The following JAM3 variants were observed in gnomAD, a reference collection of about 807,000 sequenced individuals.
JAM3 encodes junctional adhesion molecule C.
Under a neutral mutation model 39.4 loss-of-function variants are expected in JAM3, and 31 were observed. The ratio of observed to expected loss-of-function variants is 0.79; its 90% CI spans 0.59 to 1.06. The LOEUF (loss-of-function observed/expected upper bound fraction) is 1.06. Among genes scored for constraint, JAM3 ranks in the 50% least tolerant of loss-of-function variants. The probability of loss-of-function intolerance (pLI) is 0.00; values close to 1 mark genes in which losing one functional copy is unlikely to be tolerated. For synonymous variants in JAM3, 182 were observed against 148.7 expected (o/e 1.22, Z -1.63); for missense variants, 455 against 391.4 (o/e 1.16, Z -1.37).
At chr11:134,076,833 CT>C (rs71038556) in intron 1 of JAM3, among the ~76,000 whole-genome samples, 22,652 of 118,210 alleles carry the variant, frequency 0.19, 2,327 homozygotes, top group African/African-American at 0.28. Context: ...ACATCTATTG[CT>C]TTTTTTTTTT....
chr11:134,130,742 C>T (rs559556609), intron 1 of JAM3, among the ~76,000 whole-genome samples: 62 of 152,292 alleles, frequency 4.1e-4, no homozygotes, highest in African/African-American at 1.3e-3. Flanking sequence ...ACAGCTATTC[C>T]GCAGCTTTCC....
intron 6 of JAM3, chr11:134,148,288 A>T: frequency 1.9e-6 from 1 of 527,188 alleles, no homozygotes; most frequent in Non-Finnish European, 3.4e-6. Context: ...TGCCAAGCCC[A>T]CTTTAATACA....
rs1387976409 is a variant in JAM3 at position 134,120,194 on chromosome 11, CAT to C, written c.77-19656_77-19655del. On this transcript the variant is annotated intron_variant, in intron 1 of 8. Coordinates refer to ENST00000299106, the MANE Select transcript of JAM3 (RefSeq NM_032801.5). ...GCAGCGGTCTGCTGTGAAGGGTAAA[CAT>C]GTAGCCTTTCTCCACTAGAAAGCCT... Among the ~76,000 whole-genome samples the C allele has an allele frequency of 2.0e-5, 3 of 152,228 alleles. No individual in the cohort carries two copies. The East Asian group carries it at 5.8e-4, about 29-fold the overall frequency.
intron 1 of JAM3, among the ~76,000 whole-genome samples, chr11:134,135,657 C>T (rs1186263060): frequency 6.6e-6 from 1 of 151,756 alleles, no homozygotes; most frequent in Admixed American, 6.6e-5. Context: ...CCTGTGTCAG[C>T]CTACTGAGTA....
intron 1 of JAM3, among the ~76,000 whole-genome samples, chr11:134,113,709 G>T (rs1282003473): frequency 6.6e-6 from 1 of 152,218 alleles, no homozygotes; most frequent in Non-Finnish European, 1.5e-5. Flanking sequence ...TATATACCCA[G>T]TAATGGGATG....
rs1436067126 is a variant in JAM3 at position 134,148,080 on chromosome 11, TTTAC to T, written c.713-464_713-461del. On this transcript the variant is annotated intron_variant, in intron 6 of 8. Coordinates refer to ENST00000299106, the MANE Select transcript of JAM3 (RefSeq NM_032801.5). ...AAGCTCTAGTTCTTACCTAGGATTC[TTTAC>T]TTGTTTGTTTTTTGAGACAGATTCT... 2.0e-4 allele frequency: 44 copies of T among 224,248 alleles called. No homozygotes were observed. In the East Asian group the frequency reaches 3.1e-3, roughly 16 times the overall value. 13.9% of individuals were successfully genotyped at this position (224,248 alleles called of 1,614,324 possible).
intron 1 of JAM3, among the ~76,000 whole-genome samples, chr11:134,085,867 G>T (rs915302740): frequency 2.0e-5 from 3 of 152,148 alleles, no homozygotes; most frequent in Admixed American, 6.5e-5. Flanking sequence ...AGTGGGGCAG[G>T]TACTTCACTA....
At chr11:134,076,281 A>AG (rs1941568973) in intron 1 of JAM3, among the ~76,000 whole-genome samples, 1 of 149,518 alleles carries the variant, frequency 6.7e-6, no homozygotes, top group African/African-American at 2.5e-5. Context: ...CAGCCTCTGG[A>AG]GTAGCTGGGA....
At chr11:134,139,544 G>T (rs887750030) in intron 1 of JAM3, 4 of 377,764 alleles carry the variant, frequency 1.1e-5, no homozygotes, top group African/African-American at 6.3e-5. Context: ...GGGAGGAGAG[G>T]TGTCGAAGGG....
chr11:134,088,598 T>C (rs1171024996), intron 1 of JAM3, among the ~76,000 whole-genome samples: 4 of 152,182 alleles, frequency 2.6e-5, no homozygotes, highest in Non-Finnish European at 5.9e-5. Context: ...TAAATTTGTG[T>C]TCTGGAATAA....
At chr11:134,102,182 C>T (rs1219334323) in intron 1 of JAM3, among the ~76,000 whole-genome samples, 1 of 152,182 alleles carries the variant, frequency 6.6e-6, no homozygotes, top group Non-Finnish European at 1.5e-5. Context: ...GGATGGAGTT[C>T]ATATAAAACC....
chr11:134,137,124 A>T (rs987629662), intron 1 of JAM3, among the ~76,000 whole-genome samples: 29 of 149,388 alleles, frequency 1.9e-4, no homozygotes, highest in Admixed American at 7.3e-4. Flanking sequence ...AAAAAAAAAA[A>T]AAAGAAGAAG....
intron 1 of JAM3, among the ~76,000 whole-genome samples, chr11:134,073,029 T>C (rs2120560465): frequency 6.6e-6 from 1 of 152,350 alleles, no homozygotes; most frequent in South Asian, 2.1e-4. Flanking sequence ...GCAAATAGCT[T>C]CACTGGAGTG....
chr11:134,114,340 C>G (rs1475194016), intron 1 of JAM3, among the ~76,000 whole-genome samples: 3 of 152,044 alleles, frequency 2.0e-5, no homozygotes, highest in Admixed American at 2.0e-4. Context: ...GTCTTTAATC[C>G]ATCTTGAATT....
At chr11:134,125,845 C>T (rs1043047345) in intron 1 of JAM3, among the ~76,000 whole-genome samples, 3 of 152,190 alleles carry the variant, frequency 2.0e-5, no homozygotes, top group Admixed American at 6.5e-5. Context: ...CTACATTAGA[C>T]ATCAGTCCTA....
intron 1 of JAM3, 33 bp from the exon 2 acceptor site, chr11:134,139,818 T>C: frequency 6.4e-7 from 1 of 1,573,198 alleles, no homozygotes; most frequent in Non-Finnish European, 8.8e-7. Flanking sequence ...TTGAGATACA[T>C]TGTCTCTGAT....
At chr11:134,132,913 A>G (rs1029373905) in intron 1 of JAM3, among the ~76,000 whole-genome samples, 25 of 152,328 alleles carry the variant, frequency 1.6e-4, no homozygotes, top group African/African-American at 5.8e-4. Flanking sequence ...TGGTTCCTGC[A>G]GAGGCTTCTT....
At chr11:134,126,326 G>A (rs1231637387) in intron 1 of JAM3, 1 of 152,236 alleles carries the variant, frequency 6.6e-6, no homozygotes, top group Non-Finnish European at 1.5e-5. Context: ...CAGAGGTGGT[G>A]ACTCATATGC....
intron 1 of JAM3, among the ~76,000 whole-genome samples, chr11:134,121,037 A>T (rs895129564): frequency 1.3e-5 from 2 of 152,220 alleles, no homozygotes; most frequent in Non-Finnish European, 2.9e-5. Flanking sequence ...TGGCCCCCAC[A>T]GAAGGAGTGC....
Sources: gnomAD v4.1 joint callset for allele counts (sites outside exome capture counted in the v4.1 genomes callset) on GRCh38, gnomAD v4.1.1 for gene constraint, MANE v1.5 for transcripts, NCBI Gene and HGNC (gene_info 2026-07-23, HGNC 2026-07-21) for gene names.